Variants in BRAF observed in about 807,000 individuals in gnomAD.
BRAF encodes serine/threonine-protein kinase B-raf.
In BRAF, 16 loss-of-function variants were observed where a neutral mutation model predicts 104.6. That is an observed-to-expected ratio of 0.15 (90% CI 0.10 to 0.23). BRAF has a LOEUF of 0.23. Ranked by LOEUF, BRAF falls within the 10% of genes least tolerant of loss-of-function variation. BRAF has a pLI of 1.00. For missense variants in BRAF, 541 were observed against 937.3 expected, an observed-to-expected ratio of 0.58 and a Z score of 5.52; for synonymous variants, 310 against 341.6, an observed-to-expected ratio of 0.91 and a Z score of 1.02.
chr7:140,829,098 T>C (rs750896607), intron 3 of BRAF, among the ~76,000 whole-genome samples: 10 of 152,120 alleles, frequency 6.6e-5, no homozygotes, highest in Non-Finnish European at 1.2e-4. Context: ...TTTTGAAGTG[T>C]TCTTTGTATA....
intron 1 of BRAF, among the ~76,000 whole-genome samples, chr7:140,899,391 G>C (rs111261443): frequency 6.6e-6 from 1 of 152,194 alleles, no homozygotes; most frequent in Non-Finnish European, 1.5e-5. Context: ...GCCTAAGAGT[G>C]AGTGGTATTG....
chr7:140,904,441 G>C (rs2129132486), intron 1 of BRAF, among the ~76,000 whole-genome samples: 1 of 151,634 alleles, frequency 6.6e-6, no homozygotes, highest in Non-Finnish European at 1.5e-5. Context: ...TTTCTTTTTT[G>C]GGGGAGGCAG....
intron 18 of BRAF, 106 bp from the exon 18 acceptor site, chr7:140,734,876 A>C (rs1796284250): frequency 1.6e-6 from 2 of 1,274,218 alleles, no homozygotes; most frequent in Middle Eastern, 2.7e-4. Flanking sequence ...GGGTGGTATA[A>C]ATCTTTAAGA....
intron 1 of BRAF, among the ~76,000 whole-genome samples, chr7:140,896,506 A>C (rs1298629316): frequency 6.6e-6 from 1 of 152,050 alleles, no homozygotes; most frequent in African/African-American, 2.4e-5. Context: ...AGGCGGGTGG[A>C]TCACCTGAGG....
chr7:140,840,172 T>C (rs57902018), intron 2 of BRAF, among the ~76,000 whole-genome samples: 5,396 of 152,276 alleles, frequency 0.035, 314 homozygotes, highest in African/African-American at 0.12. Context: ...CTCTTACTAA[T>C]TGGACTCTGC....
rs1193936200 is a variant in BRAF, at chr7:140,924,804, AGCGGGGGGC to A, written c.-110_-102del. The A allele has an allele frequency of 6.9e-4, 285 of 413,674 alleles. 1 individual carries two copies. The highest frequency in any genetic ancestry group is 4.8e-3 in the Admixed American group (103 of 21,518). The allele number at this position is 413,674 out of a possible 1,614,324, so 25.6% of individuals were successfully genotyped here. On this transcript the variant is annotated 5_prime_UTR_variant, in exon 1 of 20. Transcript: ENST00000644969. The surrounding 1 kb of genome is among the most constrained non-coding windows in gnomAD (Gnocchi z 4.2). ...GCGGAGGCGGAGGCGGAGGCGGAGG[AGCGGGGGGC>A]GCGGGGGGCGCGGGGAGGAGCGGCC...
chr7:140,718,026 ATTCCTCAGGCAC>A (rs532339044), downstream of BRAF, among the ~76,000 whole-genome samples: 18 of 152,292 alleles, frequency 1.2e-4, no homozygotes, highest in East Asian at 3.5e-3. Flanking sequence ...GTGAAACCAG[ATTCCTCAGGCAC>A]AAGCCCTTTT....
At chr7:140,773,251 T>A (rs1420169354) in intron 14 of BRAF, 2 of 152,202 alleles carry the variant, frequency 1.3e-5, no homozygotes, top group Non-Finnish European at 2.9e-5. Context: ...TTACTTAGAC[T>A]AAGTGAGGGA....
intron 7 of BRAF, 108 bp downstream of exon 7, chr7:140,800,254 G>T: frequency 6.5e-7 from 1 of 1,543,214 alleles, no homozygotes; most frequent in Non-Finnish European, 8.9e-7. Flanking sequence ...TGGGGAAAAA[G>T]TCCTTAATTT....
intron 1 of BRAF, among the ~76,000 whole-genome samples, chr7:140,859,922 C>T (rs1202472412): frequency 2.0e-5 from 3 of 152,102 alleles, no homozygotes; most frequent in East Asian, 1.9e-4. Flanking sequence ...CTCTTGACCT[C>T]GTGATCCGTC....
intron 17 of BRAF, chr7:140,747,309 A>C (rs1388701477): frequency 1.0e-6 from 1 of 984,934 alleles, no homozygotes; most frequent in Non-Finnish European, 1.3e-6. Flanking sequence ...TCAGACTAGC[A>C]AATTCCAGAA....
chr7:140,770,038 A>G (rs1799690577), intron 14 of BRAF, among the ~76,000 whole-genome samples: 1 of 152,228 alleles, frequency 6.6e-6, no homozygotes, highest in Non-Finnish European at 1.5e-5. Flanking sequence ...ATGACCCAGG[A>G]AGCAATTCCT....
At chr7:140,728,274 G>C (rs1311217438) in intron 19 of BRAF, among the ~76,000 whole-genome samples, 1 of 152,118 alleles carries the variant, frequency 6.6e-6, no homozygotes, top group Non-Finnish European at 1.5e-5. Flanking sequence ...ACTTGCCTGA[G>C]ATCATATACA....
intron 14 of BRAF, among the ~76,000 whole-genome samples, chr7:140,766,249 A>G (rs984256206): frequency 5.3e-5 from 8 of 151,318 alleles, no homozygotes; most frequent in East Asian, 3.9e-4. Flanking sequence ...ATGAGAACAC[A>G]TGGACACAGG....
rs546818908 is a variant in BRAF at position 140,840,757 on chromosome 7, T to C, written c.241-5885A>G. 1.2e-4 allele frequency among the ~76,000 whole-genome samples: 18 copies of C among 150,234 alleles called. 1 individual carries two copies. The East Asian group carries it at 3.7e-3, about 31-fold the overall frequency. On this transcript the variant is annotated intron_variant, in intron 2 of 19. Coordinates refer to ENST00000644969, the MANE Select transcript of BRAF (RefSeq NM_001374258.1). ...AGTCAGTCGAGATGGTGCCCCTGCA[T>C]TCCAGCCTGGGTGACTCTGCCATCT...
chr7:140,812,735 A>G (rs775868418), intron 3 of BRAF, among the ~76,000 whole-genome samples: 9 of 152,230 alleles, frequency 5.9e-5, no homozygotes, highest in Non-Finnish European at 1.2e-4. Flanking sequence ...AATAGACCCT[A>G]ACACATAAAG....
chr7:140,911,116 C>T (rs1281098030), intron 1 of BRAF, among the ~76,000 whole-genome samples: 7 of 151,904 alleles, frequency 4.6e-5, no homozygotes, highest in African/African-American at 1.7e-4. Flanking sequence ...CTAAGAGTAC[C>T]GAAAAAGAAT....
intron 1 of BRAF, among the ~76,000 whole-genome samples, chr7:140,910,097 C>A (rs1169761024): frequency 1.3e-5 from 2 of 152,168 alleles, no homozygotes. Flanking sequence ...CCGAGTATTT[C>A]ATCTCATTGC....
At chr7:140,748,532 T>C (rs550160985) in intron 17 of BRAF, among the ~76,000 whole-genome samples, 1 of 152,318 alleles carries the variant, frequency 6.6e-6, no homozygotes. Flanking sequence ...TCAGAGTTTA[T>C]GTGGTCAACT....
Sources: allele counts gnomAD v4.1 joint callset (sites outside exome capture counted in the v4.1 genomes callset), GRCh38; gene constraint gnomAD v4.1.1; non-coding constraint Gnocchi (gnomAD v3.1); transcripts MANE v1.5; gene names NCBI Gene and HGNC (gene_info 2026-07-23, HGNC 2026-07-21).